PHLDB1: variants seen among roughly 807,000 people sequenced by gnomAD.
The protein encoded by PHLDB1 is pleckstrin homology like domain family B member 1.
In PHLDB1, 65 loss-of-function variants were observed where a neutral mutation model predicts 139.3. The observed-to-expected ratio is 0.47, with a 90% confidence interval of 0.38 to 0.57. The LOEUF is 0.57. Ranked by LOEUF, PHLDB1 falls within the 20% of genes least tolerant of loss-of-function variation. PHLDB1 has a pLI of 0.00. For missense variants in PHLDB1, 1,624 were observed against 1,839.7 expected (o/e 0.88, Z 2.14); for synonymous variants, 679 against 734.5 (o/e 0.92, Z 1.22).
chr11:118,607,947 A>C (rs1455676645), intron 1 of PHLDB1, among the ~76,000 whole-genome samples: 1 of 151,866 alleles, frequency 6.6e-6, no homozygotes, highest in Non-Finnish European at 1.5e-5. Flanking sequence ...CCACCGCCAG[A>C]GGGGGCCGTG....
intron 4 of PHLDB1, among the ~76,000 whole-genome samples, chr11:118,617,498 C>T (rs1004894916): frequency 8.6e-5 from 13 of 151,960 alleles, no homozygotes; most frequent in African/African-American, 2.4e-4. Flanking sequence ...CGGAGTCTCA[C>T]GCTGTTGCCC....
chr11:118,655,487 A>G (rs1210705251), intron 20 of PHLDB1, 118 bp from the exon 21 acceptor site: 5 of 690,570 alleles, frequency 7.2e-6, no homozygotes, highest in Non-Finnish European at 7.9e-6. Flanking sequence ...GGGTCTTGGG[A>G]GACTAGGATC....
rs1940282199 is a variant in PHLDB1 at position 118,611,418 on chromosome 11, T to C, written c.-21-2398T>C. Among the ~76,000 whole-genome samples, 1 of 152,140 alleles carries C rather than the reference T, an allele frequency of 6.6e-6. No individual in the cohort carries two copies. The highest frequency in any genetic ancestry group is 1.5e-5 in the Non-Finnish European group (1 of 68,034). ...CGGCCTTACTCCTTTACAATCTTTA[T>C]CTCCACTTGAAGTTCTTGGGTGTAA... On this transcript the variant is annotated intron_variant, in intron 1 of 22. Transcript: ENST00000600882. The surrounding 1 kb of genome is among the most constrained non-coding windows in gnomAD (Gnocchi z 4.7).
chr11:118,621,094 T>C (rs1942675394), intron 4 of PHLDB1, among the ~76,000 whole-genome samples: 1 of 151,832 alleles, frequency 6.6e-6, no homozygotes, highest in African/African-American at 2.4e-5. Context: ...AGACCTGTCC[T>C]TTGCTTGGCC....
At chr11:118,634,915 C>G (rs782487590) in intron 9 of PHLDB1, 1 of 442,356 alleles carries the variant, frequency 2.3e-6, no homozygotes, top group South Asian at 1.6e-5. Context: ...CGCCCTCCCG[C>G]CGACCAGGAG....
intron 12 of PHLDB1, chr11:118,640,701 T>C (rs1356233464): frequency 1.3e-5 from 2 of 152,786 alleles, no homozygotes; most frequent in African/African-American, 2.4e-5. Context: ...TGCATGTGTG[T>C]GCCCCACTGG....
At position 118,616,059 on chromosome 11, in the gene PHLDB1, C is replaced by T. The variant is rs781831843; in HGVS notation, c.203C>T (p.Ser68Phe). The T allele has an allele frequency of 2.5e-6, 4 of 1,613,412 alleles. No individual in the cohort carries two copies. In the African/African-American group the frequency reaches 5.3e-5, roughly 22 times the overall value. ...PLEEGRTVIG[S>F]AARDISLQGP... ...TCTCCAGGGAGGACGGTGATTGGCT[C>T]TGCAGCCAGAGACATCTCACTACAG... The change falls in exon 4 of 23, where the codon TCT (serine) becomes TTT (phenylalanine). Residue 68 changes from serine to phenylalanine, a missense_variant. Ser to Phe is a radical substitution (Grantham distance 155). Transcript: ENST00000600882.
chr11:118,644,433 AC>A (rs1947116768), intron 15 of PHLDB1: 1 of 519,502 alleles, frequency 1.9e-6, no homozygotes, highest in African/African-American at 1.9e-5. Context: ...CTGCTTGTTG[AC>A]CTGAGTCGGG....
Position 118,623,917 on chromosome 11 carries a change from T to TGTGTGA in PHLDB1, c.356-1016_356-1015insTGTGAG, listed in dbSNP as rs57599971. On this transcript the variant is annotated intron_variant, in intron 4 of 22. Transcript: ENST00000600882. ...GTGTGTGTGTGTGTGTGTGTGTGTG[T>TGTGTGA]GAGACGGAGTTTCGCTCTGTTGCCC... 3.1e-3 allele frequency among the ~76,000 whole-genome samples: 453 copies of TGTGTGA among 144,360 alleles called. 3 individuals are homozygous for TGTGTGA. Among genetic ancestry groups the TGTGTGA allele is most frequent in the African/African-American group, 8.7e-3 (332 of 38,190 alleles). 94.7% of individuals were successfully genotyped at this position (144,360 alleles called of 152,430 possible). A position where few individuals can be genotyped will look rare whatever the true frequency, so the allele number is the denominator to read the frequency against.
At position 118,613,885 on chromosome 11, in the gene PHLDB1, A is replaced by C. The variant is rs1565390329; in HGVS notation, c.49A>C (p.Thr17Pro). 6.2e-7 allele frequency: 1 copy of C among 1,607,178 alleles called. No homozygotes were observed. The highest frequency in any genetic ancestry group is 8.5e-7 in the Non-Finnish European group (1 of 1,174,110). ...NQIGPGCQTQ[T>P]MVQKGPLDLI... ...AATAGGCCCTGGATGCCAGACCCAG[A>C]CCATGGTGCAGGTGAGTGGGATCAG... The change falls in exon 2 of 23, where the codon ACC (threonine) becomes CCC (proline). Residue 17 changes from threonine to proline, a missense_variant. Coordinates refer to ENST00000600882, the MANE Select transcript of PHLDB1 (RefSeq NM_001144758.3).
chr11:118,649,101 A>G (rs513410), intron 18 of PHLDB1, among the ~76,000 whole-genome samples: 1 of 152,214 alleles, frequency 6.6e-6, no homozygotes, highest in East Asian at 1.9e-4. Context: ...CCAACATGGC[A>G]AAACCCCATC....
intron 13 of PHLDB1, 48 bp downstream of exon 13, chr11:118,642,442 A>T: frequency 6.4e-7 from 1 of 1,574,780 alleles, no homozygotes; most frequent in Non-Finnish European, 8.6e-7. Flanking sequence ...GCACCTGTCC[A>T]CTCTGATACC....
At position 118,625,037 on chromosome 11, in the gene PHLDB1, G is replaced by GC. The variant is rs1943615225; in HGVS notation, c.465dup (p.Tyr156LeufsTer39). ...TTCCAGCAGGGGGCCGAGCCCCTGGGCCCCCCTACAGCCCTGTTCCTGGTA... is the reference window on the plus strand; with the variant it reads ...TTCCAGCAGGGGGCCGAGCCCCTGGGCCCCCCCTACAGCCCTGTTCCTGGTA... On this transcript the variant is annotated frameshift_variant, in exon 5 of 23. Transcript: ENST00000600882. LOFTEE classifies it high-confidence loss of function. The GC allele has an allele frequency of 3.1e-6, 5 of 1,611,830 alleles. No homozygotes were observed. Among genetic ancestry groups the GC allele is most frequent in the Non-Finnish European group, 4.2e-6 (5 of 1,178,706 alleles).
Position 118,657,783 on chromosome 11 carries a change from T to TCTC in PHLDB1, c.*960_*961insCTC. 5 of 159,792 alleles carry TCTC rather than the reference T, an allele frequency of 3.1e-5. No individual in the cohort carries two copies. Among genetic ancestry groups the TCTC allele is most frequent in the South Asian group, 3.6e-4 (2 of 5,504 alleles). The allele number at this position is 159,792 out of a possible 1,614,324, so 9.9% of individuals were successfully genotyped here. A position where few individuals can be genotyped will look rare whatever the true frequency, so the allele number is the denominator to read the frequency against. On this transcript the variant is annotated 3_prime_UTR_variant, in exon 23 of 23. Coordinates refer to ENST00000600882, the MANE Select transcript of PHLDB1 (RefSeq NM_001144758.3). ...CTAGAGAGAAAGCCTGAGCAGGAGA[T>TCTC]GATGCAGCAGAGGGGAAGGGCCCTG...
In PHLDB1 at chr11:118,642,272, C is replaced by T. The variant is rs782739276; in HGVS notation, c.2755C>T (p.Pro919Ser). 1.7e-5 allele frequency: 28 copies of T among 1,613,020 alleles called. No individual in the cohort carries two copies. The highest frequency in any genetic ancestry group is 4.2e-6 in the Non-Finnish European group (5 of 1,179,990). Residue 919 changes from proline (P) to serine (S), a missense_variant, in exon 13 of 23, where the codon CCT becomes TCT. Pro to Ser is a moderately conservative substitution (Grantham distance 74). Transcript: ENST00000600882. ...TLKEMEKLLL[P>S]AVDLEQWYQE... ...CCTCCAGATGGAGAAGCTGCTGCTC[C>T]CTGCTGTAGACTTAGAGCAGTGGTA... is the stretch of plus-strand genomic sequence containing the variant.
chr11:118,653,158 G>A, intron 20 of PHLDB1: 1 of 152,808 alleles, frequency 6.5e-6, no homozygotes, highest in Non-Finnish European at 1.5e-5. Flanking sequence ...GTGAAGGAAG[G>A]GATGGGAGAG....
chr11:118,630,037 T>C, intron 6 of PHLDB1: 1 of 1,286,556 alleles, frequency 7.8e-7, no homozygotes, highest in Admixed American at 2.3e-5. Context: ...GGTTTTTTTT[T>C]TTTTTTTTTG....
chr11:118,648,820 A>G (rs969616818), intron 18 of PHLDB1, among the ~76,000 whole-genome samples: 2 of 152,076 alleles, frequency 1.3e-5, no homozygotes, highest in African/African-American at 2.4e-5. Flanking sequence ...ACAACCCCCC[A>G]TGAGAATCTG....
rs1025580355 is a variant in PHLDB1 at position 118,611,025 on chromosome 11, G to T, written c.-21-2791G>T. Among the ~76,000 whole-genome samples the T allele has an allele frequency of 6.6e-6, 1 of 152,212 alleles. No individual in the cohort carries two copies. The highest frequency in any genetic ancestry group is 1.5e-5 in the Non-Finnish European group (1 of 68,028). ...TTTTTGGCCGCGGGGCCGGGCGGGC[G>T]GGTAATGACAGCCGGGTTGCTGGGG... On this transcript the variant is annotated intron_variant, in intron 1 of 22. Transcript: ENST00000600882. This position sits in a 1 kb window ranked among gnomAD's most constrained non-coding sequence, Gnocchi z 4.7.
Sources: gnomAD v4.1 joint callset for allele counts (sites outside exome capture counted in the v4.1 genomes callset) on GRCh38, gnomAD v4.1.1 for gene constraint, Gnocchi (gnomAD v3.1) non-coding constraint, MANE v1.5 for transcripts, NCBI Gene and HGNC (gene_info 2026-07-23, HGNC 2026-07-21) for gene names.